NTSR2: variants seen among roughly 807,000 people sequenced by gnomAD.
NTSR2 encodes the protein neurotensin receptor 2, also known as neurotensin receptor type 2.
NTSR2 carries 22 observed loss-of-function variants against 24.1 expected under a neutral mutation model. That is an observed-to-expected ratio of 0.91 (90% CI 0.65 to 1.30). NTSR2 has a LOEUF of 1.30. NTSR2 is among the 50% of genes most tolerant of loss of function. NTSR2 has a pLI of 0.00. For missense variants in NTSR2, 570 were observed against 570.4 expected, an observed-to-expected ratio of 1.00 and a Z score of 0.01; for synonymous variants, 291 against 267.0, an observed-to-expected ratio of 1.09 and a Z score of -0.88.
intron 1 of NTSR2, among the ~76,000 whole-genome samples, chr2:11,663,578 TG>T (rs1661129392): frequency 6.6e-6 from 1 of 152,150 alleles, no homozygotes; most frequent in African/African-American, 2.4e-5. Flanking sequence ...CAAAAGTCCT[TG>T]GATTAGAAAG....
rs762439237 is a variant in NTSR2 at position 11,669,937 on chromosome 2, C to T, written c.193G>A (p.Ala65Thr). 7.9e-6 allele frequency: 12 copies of T among 1,517,948 alleles called. No homozygotes were observed. The highest frequency in any genetic ancestry group is 5.0e-5 in the South Asian group (4 of 80,750). 94.0% of individuals were successfully genotyped at this position (1,517,948 alleles called of 1,614,324 possible). The change falls in exon 1 of 4, where the codon GCG becomes ACG. Residue 65 changes from alanine to threonine, a missense_variant. Physicochemically the swap from Ala to Thr is moderately conservative, Grantham distance 58. Coordinates refer to ENST00000306928, the MANE Select transcript of NTSR2 (RefSeq NM_012344.4). ...AGCACGTGGTGGCGCAGGCGCCCCG[C>T]GCGCCCGGCCCGCGCCTTCAGCACC... ...HVVLKARAGR[A>T]GRLRHHVLSL...
chr2:11,662,775 C>T lies in NTSR2; in HGVS notation c.625-535G>A, dbSNP rs971456034. Among the ~76,000 whole-genome samples the T allele has an allele frequency of 2.2e-4, 33 of 147,324 alleles. No homozygotes were observed. The East Asian group carries it at 3.6e-3, about 16-fold the overall frequency. ...CAGCCTGGGCAACAGAGCGAGACTC[C>T]GTCTCAAAAAAAAAATGCATTCAAG... On this transcript the variant is annotated intron_variant, in intron 1 of 3. Coordinates refer to ENST00000306928, the MANE Select transcript of NTSR2 (RefSeq NM_012344.4).
rs1661080737 is a variant in NTSR2 at position 11,661,986 on chromosome 2, C to T, written c.879G>A (p.Gln293=). 15 of 1,605,840 alleles carry T rather than the reference C, an allele frequency of 9.3e-6. No homozygotes were observed. Among genetic ancestry groups the T allele is most frequent in the Non-Finnish European group, 1.3e-5 (15 of 1,175,986 alleles). The change falls in exon 2 of 4, where the codon CAG becomes CAA. Residue 293 remains glutamine, a synonymous_variant. Coordinates refer to ENST00000306928, the MANE Select transcript of NTSR2 (RefSeq NM_012344.4). The part of the protein sequence containing the change: ...HKDVRRIRSL[Q]RSVQVLRAIV... ...CTTAACTGAGAACCTGGACGCTGCG[C>T]TGGAGGCTGCGGATCCGGCGCACGT...
At chr2:11,662,973 A>G (rs941815723) in intron 1 of NTSR2, among the ~76,000 whole-genome samples, 15 of 152,216 alleles carry the variant, frequency 9.9e-5, no homozygotes, top group African/African-American at 3.6e-4. Context: ...GGTCACATAG[A>G]TAGGATGGAA....
At position 11,660,125 on chromosome 2, in the gene NTSR2, CGAT is replaced by C; in HGVS notation, c.904_906del (p.Ile302del). 1.2e-6 allele frequency: 2 copies of C among 1,613,222 alleles called. No homozygotes were observed. Among genetic ancestry groups the C allele is most frequent in the Non-Finnish European group, 1.7e-6 (2 of 1,179,768 alleles). ...AGCCAGCAGATGACATACATGACCA[CGAT>C]GGCTCCTGCAGAGCATTGGAAAGGG... On this transcript the variant is annotated inframe_deletion, in exon 3 of 4. Transcript: ENST00000306928.
At position 11,658,499 on chromosome 2, in the gene NTSR2, G is replaced by GA. The variant is rs774822478; in HGVS notation, c.1212dup (p.Pro405SerfsTer13). On this transcript the variant is annotated frameshift_variant, in exon 4 of 4. Transcript: ENST00000306928. LOFTEE classifies it high-confidence loss of function. ...TACATTCAGGTCCGGGTTTCTGGGG[G>GA]ATCCCCAAAGCCTGAAGCTGTATCC... 3.1e-6 allele frequency: 5 copies of GA among 1,604,602 alleles called. No homozygotes were observed. In the Admixed American group the frequency reaches 8.5e-5, roughly 27 times the overall value.
At chr2:11,660,220 G>T in intron 2 of NTSR2, 87 bp from the exon 3 acceptor site, 1 of 1,020,732 alleles carries the variant, frequency 9.8e-7, no homozygotes. Context: ...GCTGATGCCC[G>T]AGGGGATAGC....
In NTSR2 at chr2:11,658,431, A is replaced by T. The variant is rs775333750; in HGVS notation, c.*48T>A. The T allele has an allele frequency of 4.6e-6, 7 of 1,533,844 alleles. No homozygotes were observed. Among genetic ancestry groups the T allele is most frequent in the Non-Finnish European group, 8.8e-7 (1 of 1,141,820 alleles). ...GGTTGCTCACCTGCTTTGCCAGGTG[A>T]CTAAGCAGCTGGTCATTTTGCTTGT... On this transcript the variant is annotated 3_prime_UTR_variant, in exon 4 of 4. Coordinates refer to ENST00000306928, the MANE Select transcript of NTSR2 (RefSeq NM_012344.4).
intron 1 of NTSR2, 46 bp downstream of exon 1, chr2:11,669,460 G>GGGGGGGGGGGGGGGGGCCCCC: frequency 7.9e-6 from 2 of 254,722 alleles, no homozygotes; most frequent in Non-Finnish European, 1.4e-5. Context: ...TCCCAGCACC[G>GGGGGGGGGGGGGGGGGCCCCC]CCCCCCCACC....
intron 1 of NTSR2, among the ~76,000 whole-genome samples, chr2:11,664,149 C>T (rs1291067740): frequency 7.0e-5 from 9 of 128,860 alleles, no homozygotes; most frequent in Admixed American, 1.7e-4. Context: ...TTTTTTGAGA[C>T]GAGGTCGCCC....
At chr2:11,662,933 G>T (rs945070991) in intron 1 of NTSR2, among the ~76,000 whole-genome samples, 1 of 152,200 alleles carries the variant, frequency 6.6e-6, no homozygotes, top group African/African-American at 2.4e-5. Flanking sequence ...ATAAAGAGAA[G>T]ATCTTGAAAG....
rs1247323259 is a variant in NTSR2, at chr2:11,669,995, C to T, written c.135G>A (p.Leu45=). 34 of 1,513,660 alleles carry T rather than the reference C, an allele frequency of 2.2e-5. No individual in the cohort carries two copies. The highest frequency in any genetic ancestry group is 2.8e-5 in the Non-Finnish European group (32 of 1,137,192). The allele number at this position is 1,513,660 out of a possible 1,614,324, so 93.8% of individuals were successfully genotyped here. A position where few individuals can be genotyped will look rare whatever the true frequency, so the allele number is the denominator to read the frequency against. The change falls in exon 1 of 4, where the codon CTG becomes CTA. Residue 45 remains leucine, a synonymous_variant. Transcript: ENST00000306928. The stretch of plus-strand genomic sequence containing the variant: ...CGGACAGCGCATTGCCCGCCGCGCC[C>T]AGCGCCCAGATGAGTGCGTAGAGCG... ...FTALYALIWA[L]GAAGNALSAH...
Position 11,658,655 on chromosome 2 carries a change from C to T in NTSR2, c.1057G>A (p.Val353Met), listed in dbSNP as rs767867743. The T allele has an allele frequency of 1.2e-5, 20 of 1,614,138 alleles. No individual in the cohort carries two copies. Among genetic ancestry groups the T allele is most frequent in the East Asian group, 2.2e-5 (1 of 44,886 alleles). ...ACGGCGTTGTAGAGAAGAGGAGTCA[C>T]AGCTGAGCTGACGTAGAAAAGTGTG... Reference protein sequence around the residue: ...TNTLFYVSSAVTPLLYNAVSS... With the variant: ...TNTLFYVSSAMTPLLYNAVSS... The change falls in exon 4 of 4, where the codon GTG (valine) becomes ATG (methionine). Residue 353 changes from valine (V) to methionine (M), a missense_variant. Coordinates refer to ENST00000306928, the MANE Select transcript of NTSR2 (RefSeq NM_012344.4).
chr2:11,669,459 C>CGGGGGGGGGGGGGGGGGCGG, intron 1 of NTSR2, 47 bp downstream of exon 1: 1 of 337,896 alleles, frequency 3.0e-6, no homozygotes. Flanking sequence ...CTCCCAGCAC[C>CGGGGGGGGGGGGGGGGGCGG]GCCCCCCCAC....
At position 11,662,175 on chromosome 2, in the gene NTSR2, C is replaced by A; in HGVS notation, c.690G>T (p.Val230=). The A allele has an allele frequency of 1.3e-6, 2 of 1,586,668 alleles. No homozygotes were observed. Among genetic ancestry groups the A allele is most frequent in the South Asian group, 2.3e-5 (2 of 87,722 alleles). ...GGGAGCAGAGGGCCAGCAGGTGGCT[C>A]ACTGTGACCCCATTCAGGAAAGCAG... ...ALTAFLNGVT[V]SHLLALCSQV... is the part of the protein sequence containing the mutation. The change falls in exon 2 of 4, where the codon GTG becomes GTT. Residue 230 remains valine (V), a synonymous_variant. Transcript: ENST00000306928.
At chr2:11,669,339 C>T (rs1004939822) in intron 1 of NTSR2, among the ~76,000 whole-genome samples, 167 bp downstream of exon 1, 2 of 152,200 alleles carry the variant, frequency 1.3e-5, no homozygotes, top group Admixed American at 6.5e-5. Context: ...ACTTTGGCCA[C>T]GCCTCCCTCC....
intron 2 of NTSR2, 151 bp from the exon 3 acceptor site, chr2:11,660,284 G>A: frequency 1.6e-6 from 1 of 635,188 alleles, no homozygotes; most frequent in Non-Finnish European, 2.9e-6. Flanking sequence ...AGGCTTTGAG[G>A]TTATCTGATA....
chr2:11,666,427 G>C (rs1042837974), intron 1 of NTSR2, among the ~76,000 whole-genome samples: 2 of 152,342 alleles, frequency 1.3e-5, no homozygotes, highest in East Asian at 1.9e-4. Flanking sequence ...TAGGCCGGGC[G>C]TGGTGGCTCA....
At chr2:11,662,836 G>A (rs1392653471) in intron 1 of NTSR2, among the ~76,000 whole-genome samples, 1 of 152,196 alleles carries the variant, frequency 6.6e-6, no homozygotes. Context: ...TGAGCTTCTA[G>A]ACTGAAAGGC....
Sources: allele counts gnomAD v4.1 joint callset (sites outside exome capture counted in the v4.1 genomes callset), GRCh38; gene constraint gnomAD v4.1.1; transcripts MANE v1.5; gene names NCBI Gene and HGNC (gene_info 2026-07-23, HGNC 2026-07-21).